The following SIDT1 variants were observed in gnomAD, a reference collection of about 807,000 sequenced individuals.
SIDT1 encodes the protein SID1 transmembrane family member 1.
A neutral mutation model predicts 107.5 loss-of-function variants in SIDT1; 101 were observed. That is an observed-to-expected ratio of 0.94 (90% confidence interval 0.80 to 1.11). The LOEUF is 1.11. SIDT1 is among the 50% of genes least tolerant of loss of function. SIDT1 has a pLI of 0.00. For missense variants in SIDT1, 1,076 were observed against 1,058.2 expected, an observed-to-expected ratio of 1.02 and a Z score of -0.23; for synonymous variants, 395 against 398.2, an observed-to-expected ratio of 0.99 and a Z score of 0.10.
Position 113,627,686 on chromosome 3 carries a change from G to C in SIDT1, c.2462G>C (p.Arg821Thr). The C allele has an allele frequency of 6.2e-7, 1 of 1,613,832 alleles. No individual in the cohort carries two copies. The highest frequency in any genetic ancestry group is 8.5e-7 in the Non-Finnish European group (1 of 1,180,028). Residue 821 changes from arginine (R) to threonine (T), a missense_variant, in exon 25 of 25, where the codon AGA (arginine) becomes ACA (threonine). Physicochemically the swap from Arg to Thr is moderately conservative, Grantham distance 71. Coordinates refer to ENST00000264852, the MANE Select transcript of SIDT1 (RefSeq NM_017699.3). ...GATGATGACCTTGATGTGGTTCGGA[G>C]AGACCAGATCCCTGTCTTCTGAACC... ...TLDDDLDVVR[R>T]DQIPVF
Position 113,619,712 on chromosome 3 carries a change from G to A in SIDT1, c.2076G>A (p.Leu692=), listed in dbSNP as rs773757031. The A allele has an allele frequency of 6.2e-7, 1 of 1,613,958 alleles. No individual in the cohort carries two copies. Among genetic ancestry groups the A allele is most frequent in the Non-Finnish European group, 8.5e-7 (1 of 1,179,918 alleles). ...TGGTGTTGCTGGTTGTGGGGAATCT[G>A]GTTAACTGGTCCTTGTAAGTAGTCT... ...DRMVLLVVGN[L]VNWSFALFGL... is the part of the protein sequence containing the mutation. Residue 692 remains leucine, a synonymous_variant, in exon 21 of 25, where the codon CTG becomes CTA. Coordinates refer to ENST00000264852, the MANE Select transcript of SIDT1 (RefSeq NM_017699.3).
At chr3:113,568,097 A>G (rs1398605339) in intron 3 of SIDT1, among the ~76,000 whole-genome samples, 1 of 151,424 alleles carries the variant, frequency 6.6e-6, no homozygotes, top group Non-Finnish European at 1.5e-5. Flanking sequence ...CCTTATTATT[A>G]CTCCTGTTTT....
chr3:113,591,207 AC>A (rs149540124), intron 9 of SIDT1, among the ~76,000 whole-genome samples: 5,817 of 152,328 alleles, frequency 0.038, 378 homozygotes, highest in African/African-American at 0.13. Flanking sequence ...CTCCAGAAGT[AC>A]AGCCCTGCTG....
chr3:113,586,356 A>G lies in SIDT1; in HGVS notation c.1001+1086A>G, dbSNP rs1489321021. 2.0e-5 allele frequency among the ~76,000 whole-genome samples: 3 copies of G among 152,234 alleles called. No individual in the cohort carries two copies. The East Asian group carries it at 5.8e-4, about 29-fold the overall frequency. On this transcript the variant is annotated intron_variant, in intron 9 of 24. Transcript: ENST00000264852. The stretch of plus-strand genomic sequence containing the variant: ...TGGATACACATTCAGCAATTCAACA[A>G]ATTTATGAAAACAGCTACCCATTCG...
chr3:113,549,412 C>T (rs772596704), intron 1 of SIDT1, among the ~76,000 whole-genome samples: 4 of 152,188 alleles, frequency 2.6e-5, no homozygotes, highest in Non-Finnish European at 5.9e-5. Context: ...ACAACCTCAT[C>T]AGCATTTGGT....
intron 3 of SIDT1, among the ~76,000 whole-genome samples, chr3:113,572,835 A>C (rs767896676): frequency 6.6e-6 from 1 of 152,160 alleles, no homozygotes; most frequent in Non-Finnish European, 1.5e-5. Flanking sequence ...TTTTAAGAGG[A>C]GAGAGTGTGT....
intron 17 of SIDT1, among the ~76,000 whole-genome samples, chr3:113,610,502 T>C (rs1444501402): frequency 1.3e-5 from 2 of 152,238 alleles, no homozygotes; most frequent in African/African-American, 4.8e-5. Flanking sequence ...GTAAGCTCCA[T>C]TTTATTTCTA....
intron 18 of SIDT1, among the ~76,000 whole-genome samples, chr3:113,611,380 G>A (rs13068284): frequency 0.43 from 65,836 of 152,020 alleles, 15,054 homozygotes; most frequent in African/African-American, 0.59. Context: ...TCACCAGGCT[G>A]GAGTGCAGTG....
chr3:113,612,154 C>T lies in SIDT1; in HGVS notation c.1926C>T (p.Ala642=), dbSNP rs754049566. ...CAATCCACGTTCTGGCCTCGCTAGC[C>T]CTCAGCACCCAGATATATTATATGG... The part of the protein sequence containing the change: ...FSAIHVLASL[A]LSTQIYYMGR... The change falls in exon 19 of 25, where the codon GCC becomes GCT. Residue 642 remains alanine (A), a synonymous_variant. Transcript: ENST00000264852. 1.9e-6 allele frequency: 3 copies of T among 1,614,082 alleles called. No homozygotes were observed. The South Asian group carries it at 3.3e-5, about 18-fold the overall frequency.
chr3:113,545,744 C>T (rs1240086108), intron 1 of SIDT1, among the ~76,000 whole-genome samples: 1 of 152,166 alleles, frequency 6.6e-6, no homozygotes, highest in Admixed American at 6.5e-5. Flanking sequence ...TACATAATTT[C>T]TTTTTCATGA....
chr3:113,536,123 G>A (rs889016385), intron 1 of SIDT1, among the ~76,000 whole-genome samples: 2 of 152,164 alleles, frequency 1.3e-5, no homozygotes, highest in Non-Finnish European at 2.9e-5. Context: ...TCAAGATAGC[G>A]ACGCTCTCTT....
chr3:113,580,733 C>A (rs766105385), intron 5 of SIDT1, 24 bp downstream of exon 5: 3 of 1,378,190 alleles, frequency 2.2e-6, no homozygotes, highest in South Asian at 2.3e-5. Context: ...ACTTGCCAAC[C>A]TTCTACTATA....
At chr3:113,615,528 C>T (rs1946042168) in intron 19 of SIDT1, among the ~76,000 whole-genome samples, 1 of 152,210 alleles carries the variant, frequency 6.6e-6, no homozygotes, top group African/African-American at 2.4e-5. Flanking sequence ...CTTAAAAAAA[C>T]TTTCCTGTCT....
chr3:113,634,836 GC>G, the SIDT1 span, among the ~76,000 whole-genome samples: 1 of 151,906 alleles, frequency 6.6e-6, no homozygotes, highest in Non-Finnish European at 1.5e-5. Flanking sequence ...AAAAAGAAAA[GC>G]ATTTTCCAAA....
chr3:113,621,721 GT>G (rs1946475517), intron 21 of SIDT1, among the ~76,000 whole-genome samples: 1 of 152,102 alleles, frequency 6.6e-6, no homozygotes, highest in African/African-American at 2.4e-5. Flanking sequence ...AGTTAATAAG[GT>G]TTTATTCTAA....
At chr3:113,560,090 A>G (rs186347609) in intron 1 of SIDT1, among the ~76,000 whole-genome samples, 162 of 152,264 alleles carry the variant, frequency 1.1e-3, no homozygotes, top group East Asian at 5.0e-3. Flanking sequence ...AGGTGCCATC[A>G]TGTCTATCTC....
intron 20 of SIDT1, 121 bp from the exon 21 acceptor site, chr3:113,619,559 C>A (rs1946320427): frequency 1.2e-6 from 1 of 842,172 alleles, no homozygotes; most frequent in Non-Finnish European, 2.0e-6. Flanking sequence ...ACTCTTAGAA[C>A]CACAGAAAAT....
intron 1 of SIDT1, among the ~76,000 whole-genome samples, chr3:113,553,216 G>C (rs1272497682): frequency 6.6e-6 from 1 of 152,146 alleles, no homozygotes; most frequent in Non-Finnish European, 1.5e-5. Context: ...CTTGTCTCAA[G>C]AAGTTGTCTT....
At chr3:113,554,793 C>T (rs1009414208) in intron 1 of SIDT1, among the ~76,000 whole-genome samples, 2 of 152,142 alleles carry the variant, frequency 1.3e-5, no homozygotes, top group Non-Finnish European at 2.9e-5. Context: ...CAAGCACTTA[C>T]TTTCTCATCC....
Sources: gnomAD v4.1 joint callset for allele counts (sites outside exome capture counted in the v4.1 genomes callset) on GRCh38, gnomAD v4.1.1 for gene constraint, MANE v1.5 for transcripts, NCBI Gene and HGNC (gene_info 2026-07-23, HGNC 2026-07-21) for gene names.